The following MTDH variants were observed in gnomAD, a reference collection of about 807,000 sequenced individuals.
MTDH encodes protein LYRIC.
Under a neutral mutation model 72.7 loss-of-function variants are expected in MTDH, and 34 were observed. The observed-to-expected ratio is 0.47, with a 90% CI of 0.36 to 0.62. The LOEUF (loss-of-function observed/expected upper bound fraction) is 0.62. Among genes scored for constraint, MTDH ranks in the 20% least tolerant of loss-of-function variants. The pLI is 0.00. For missense variants in MTDH, 677 were observed against 699.4 expected, an observed-to-expected ratio of 0.97 and a Z score of 0.36; for synonymous variants, 266 against 268.9, an observed-to-expected ratio of 0.99 and a Z score of 0.10.
chr8:97,703,213 A>C (rs928701957), intron 7 of MTDH, among the ~76,000 whole-genome samples: 9 of 152,166 alleles, frequency 5.9e-5, no homozygotes, highest in Admixed American at 2.6e-4. Context: ...AAAAAAAATT[A>C]GCTGGGCGTG....
At position 97,696,374 on chromosome 8, in the gene MTDH, C is replaced by T. The variant is rs146283079; in HGVS notation, c.1049-3380C>T. 1.3e-4 allele frequency: 78 copies of T among 583,856 alleles called. No individual in the cohort carries two copies. In the African/African-American group the frequency reaches 1.4e-3, roughly 11 times the overall value. 36.2% of individuals were successfully genotyped at this position (583,856 alleles called of 1,614,324 possible). ...GCTTGTTATTTGAAAAACTAATCAA[C>T]ATCAAGTACTGCTATCAATATAAAT... On this transcript the variant is annotated intron_variant, in intron 6 of 11. Coordinates refer to ENST00000336273, the MANE Select transcript of MTDH (RefSeq NM_178812.4).
intron 6 of MTDH, among the ~76,000 whole-genome samples, chr8:97,697,150 A>ATATATATATATATATTTTTTTTTTTTTTT: frequency 1.5e-5 from 1 of 68,832 alleles, no homozygotes; most frequent in Non-Finnish European, 2.5e-5. Flanking sequence ...ATATATATAT[A>ATATATATATATATATTTTTTTTTTTTTTT]TTTTTTTTTT....
chr8:97,698,559 GATA>G (rs1423832297), intron 6 of MTDH, among the ~76,000 whole-genome samples: 4 of 152,162 alleles, frequency 2.6e-5, no homozygotes, highest in African/African-American at 9.7e-5. Context: ...AAACTTATGA[GATA>G]ATATTTTGTT....
chr8:97,684,598 C>T (rs556675751), intron 2 of MTDH, among the ~76,000 whole-genome samples: 52 of 152,288 alleles, frequency 3.4e-4, no homozygotes, highest in African/African-American at 1.2e-3. Flanking sequence ...CTATTTGATC[C>T]TTTGCAGAAA....
Position 97,644,760 on chromosome 8 carries a change from C to G in MTDH, c.254C>G (p.Pro85Arg). 1 of 1,564,670 alleles carries G rather than the reference C, an allele frequency of 6.4e-7. No individual in the cohort carries two copies. Among genetic ancestry groups the G allele is most frequent in the South Asian group, 1.2e-5 (1 of 86,160 alleles). Residue 85 changes from proline to arginine, a missense_variant, in exon 1 of 12, where the codon CCG becomes CGG. Coordinates refer to ENST00000336273, the MANE Select transcript of MTDH (RefSeq NM_178812.4). ...GGCGCCCGCAAAAAGCGGAGGAGCC[C>G]GCCCCGCAAGCGGGAGGAGGCGGCG... ...CAGARKKRRS[P>R]PRKREEAAAV...
At chr8:97,715,117 C>A (rs554673214) in intron 9 of MTDH, among the ~76,000 whole-genome samples, 1 of 151,908 alleles carries the variant, frequency 6.6e-6, no homozygotes, top group Admixed American at 6.6e-5. Flanking sequence ...TGAACCACCA[C>A]GCCCAGCCTT....
intron 8 of MTDH, among the ~76,000 whole-genome samples, chr8:97,710,783 T>G (rs1447759933): frequency 6.6e-6 from 1 of 150,868 alleles, no homozygotes; most frequent in Non-Finnish European, 1.5e-5. Flanking sequence ...GTGGATCACC[T>G]GAGGTCAGGA....
intron 7 of MTDH, 117 bp from the exon 8 acceptor site, chr8:97,706,509 G>A: frequency 1.1e-6 from 1 of 942,660 alleles, no homozygotes; most frequent in South Asian, 2.7e-5. Context: ...AAATGTGCTT[G>A]GGAGACAGAA....
At chr8:97,697,150 A>ATATATATATATATATATATATATTTTTTT in intron 6 of MTDH, among the ~76,000 whole-genome samples, 1 of 68,838 alleles carries the variant, frequency 1.5e-5, no homozygotes, top group Non-Finnish European at 2.5e-5. Flanking sequence ...ATATATATAT[A>ATATATATATATATATATATATATTTTTTT]TTTTTTTTTT....
chr8:97,710,683 C>CAAAAAAAA, intron 8 of MTDH, among the ~76,000 whole-genome samples: 1 of 53,110 alleles, frequency 1.9e-5, no homozygotes, highest in Admixed American at 2.6e-4. Context: ...GAGACTATCT[C>CAAAAAAAA]AAAAAAAAAA....
At chr8:97,645,008 C>T (rs1203609974) in intron 1 of MTDH, 121 bp downstream of exon 1, 13 of 1,144,840 alleles carry the variant, frequency 1.1e-5, no homozygotes, top group South Asian at 1.1e-4. Flanking sequence ...AGCCGAGAGG[C>T]AGCACTCCCA....
At chr8:97,657,893 A>C (rs1411028614) in intron 1 of MTDH, among the ~76,000 whole-genome samples, 3 of 152,206 alleles carry the variant, frequency 2.0e-5, no homozygotes, top group Non-Finnish European at 4.4e-5. Flanking sequence ...ATTAGTTACT[A>C]TTCATGTAAG....
At chr8:97,713,827 A>T in intron 9 of MTDH, 58 bp downstream of exon 9, 1 of 972,094 alleles carries the variant, frequency 1.0e-6, no homozygotes, top group Non-Finnish European at 1.5e-6. Context: ...ATGTGAAAAG[A>T]TTATGTACAG....
intron 1 of MTDH, among the ~76,000 whole-genome samples, chr8:97,652,532 A>G (rs1169992362): frequency 1.3e-5 from 2 of 151,950 alleles, no homozygotes; most frequent in Non-Finnish European, 2.9e-5. Flanking sequence ...TTACTTACCC[A>G]TTTACTTTTT....
intron 9 of MTDH, among the ~76,000 whole-genome samples, chr8:97,717,296 G>C (rs185759223): frequency 1.1e-4 from 16 of 152,158 alleles, no homozygotes; most frequent in Non-Finnish European, 1.5e-5. Flanking sequence ...ATTTGCCAAA[G>C]AAAAATACAG....
At chr8:97,659,245 A>G (rs1586208582) in intron 1 of MTDH, among the ~76,000 whole-genome samples, 1 of 152,108 alleles carries the variant, frequency 6.6e-6, no homozygotes, top group African/African-American at 2.4e-5. Flanking sequence ...GAGGTTTCTT[A>G]CCTTTACCCA....
Position 97,729,480 on chromosome 8 carries a change from G to A in MTDH, c.*4810G>A, listed in dbSNP as rs1297995448. Among the ~76,000 whole-genome samples, 1 of 152,132 alleles carries A rather than the reference G, an allele frequency of 6.6e-6. No homozygotes were observed. Among genetic ancestry groups the A allele is most frequent in the African/African-American group, 2.4e-5 (1 of 41,438 alleles). On this transcript the variant is annotated 3_prime_UTR_variant, in exon 12 of 12. Coordinates refer to ENST00000336273, the MANE Select transcript of MTDH (RefSeq NM_178812.4). ...TTTTGAGATTCTGTTAGGAAGATGA[G>A]AATTGGATAATGGGCACCTCTAACA...
chr8:97,644,435 G>T lies in MTDH; in HGVS notation c.-72G>T. On this transcript the variant is annotated 5_prime_UTR_variant, in exon 1 of 12. Transcript: ENST00000336273. The stretch of plus-strand genomic sequence containing the variant: ...AGGTTACCCGGCCCGGCCCTTCCTC[G>T]CTTCCCTCGACTATTCCACTGCGTC... The T allele has an allele frequency of 6.7e-7, 1 of 1,493,272 alleles. No homozygotes were observed. Among genetic ancestry groups the T allele is most frequent in the Non-Finnish European group, 8.8e-7 (1 of 1,130,122 alleles). 92.5% of individuals were successfully genotyped at this position (1,493,272 alleles called of 1,614,324 possible).
intron 2 of MTDH, among the ~76,000 whole-genome samples, chr8:97,662,777 C>T (rs1445527557): frequency 6.8e-6 from 1 of 147,826 alleles, no homozygotes; most frequent in East Asian, 2.0e-4. Flanking sequence ...AAGAGCGAGA[C>T]TCTGTCAAAA....
Sources: allele counts gnomAD v4.1 joint callset (sites outside exome capture counted in the v4.1 genomes callset), GRCh38; gene constraint gnomAD v4.1.1; transcripts MANE v1.5; gene names NCBI Gene and HGNC (gene_info 2026-07-23, HGNC 2026-07-21).